PTPA: variants seen among roughly 807,000 people sequenced by gnomAD.
PTPA encodes the protein serine/threonine-protein phosphatase 2A activator.
PTPA carries 13 observed loss-of-function variants against 43.6 expected under a neutral mutation model. That is an observed-to-expected ratio of 0.30 (90% CI 0.19 to 0.47). PTPA has a LOEUF of 0.47. PTPA is among the 20% of genes least tolerant of loss of function. The pLI, the probability that PTPA is intolerant of heterozygous loss-of-function variation, is 0.99. For synonymous variants in PTPA, 172 were observed against 158.2 expected, an observed-to-expected ratio of 1.09 and a Z score of -0.66; for missense variants, 329 against 411.9, an observed-to-expected ratio of 0.80 and a Z score of 1.74.
At chr9:129,144,393 G>C (rs996023305) in intron 9 of PTPA, among the ~76,000 whole-genome samples, 21 of 152,046 alleles carry the variant, frequency 1.4e-4, no homozygotes, top group Admixed American at 1.4e-3. Context: ...CGCTGTGTGG[G>C]GAAGGGGACA....
At position 129,147,616 on chromosome 9, in the gene PTPA, C is replaced by A; in HGVS notation, c.*152C>A. The A allele has an allele frequency of 1.2e-6, 1 of 824,090 alleles. No individual in the cohort carries two copies. The highest frequency in any genetic ancestry group is 1.9e-6 in the Non-Finnish European group (1 of 529,616). The allele number at this position is 824,090 out of a possible 1,614,324, so 51.0% of individuals were successfully genotyped here. ...GGGTGGCGAGATGGGCTTGAGGGGG[C>A]TCAGAGCATAAGGCTTCAGGGCCCA... is the stretch of plus-strand genomic sequence containing the variant. On this transcript the variant is annotated 3_prime_UTR_variant, in exon 10 of 10. Coordinates refer to ENST00000393370, the MANE Select transcript of PTPA (RefSeq NM_178000.3).
intron 3 of PTPA, chr9:129,128,063 T>G (rs1450624281): frequency 1.5e-6 from 2 of 1,330,400 alleles, no homozygotes; most frequent in Non-Finnish European, 2.0e-6. Flanking sequence ...CTGTGCACCT[T>G]CGGAGGTATT....
intron 8 of PTPA, among the ~76,000 whole-genome samples, chr9:129,141,090 T>G (rs971776379): frequency 6.6e-6 from 1 of 151,930 alleles, no homozygotes; most frequent in East Asian, 1.9e-4. Flanking sequence ...ACATGGGTGT[T>G]TGGATGGGCT....
chr9:129,115,521 C>T (rs1588482014), intron 1 of PTPA, among the ~76,000 whole-genome samples: 1 of 152,160 alleles, frequency 6.6e-6, no homozygotes, highest in East Asian at 1.9e-4. Flanking sequence ...GGTCCCTGTC[C>T]CTTTTTCTCC....
In PTPA at chr9:129,137,676, T is replaced by C; in HGVS notation, c.770T>C (p.Ile257Thr). Residue 257 changes from isoleucine (I) to threonine (T), a missense_variant, in exon 8 of 10, where the codon ATC (isoleucine) becomes ACC (threonine). Physicochemically the swap from Ile to Thr is moderately conservative, Grantham distance 89 (BLOSUM62 -1). Transcript: ENST00000393370. ...AAGGACTACATGTTCCTGGAGTGTA[T>C]CCTGTTTATTACCGAGGTGAGGAGG... is the stretch of plus-strand genomic sequence containing the variant. ...NHKDYMFLEC[I>T]LFITEMKTGP... The C allele has an allele frequency of 1.2e-6, 2 of 1,607,530 alleles. No individual in the cohort carries two copies. The highest frequency in any genetic ancestry group is 1.7e-6 in the Non-Finnish European group (2 of 1,175,924).
rs1173717748 is a variant in PTPA at position 129,142,350 on chromosome 9, G to A, written c.787-95G>A. Reference sequence around the variant, plus strand: ...TGTGCGTGTGCGTTTGTGTGTGTGTGTGTGTGCATGCATGGGTGTGACTTT... The same window carrying A: ...TGTGCGTGTGCGTTTGTGTGTGTGTATGTGTGCATGCATGGGTGTGACTTT... On this transcript the variant is annotated intron_variant, in intron 8 of 9. Coordinates refer to ENST00000393370, the MANE Select transcript of PTPA (RefSeq NM_178000.3). The A allele has an allele frequency of 2.4e-5, 27 of 1,113,406 alleles. No homozygotes were observed. The East Asian group carries it at 6.5e-4, about 27-fold the overall frequency. 69.0% of individuals were successfully genotyped at this position (1,113,406 alleles called of 1,614,324 possible).
At chr9:129,145,428 A>G (rs1313416843) in intron 9 of PTPA, among the ~76,000 whole-genome samples, 4 of 152,078 alleles carry the variant, frequency 2.6e-5, no homozygotes, top group Non-Finnish European at 4.4e-5. Flanking sequence ...CGAAGGGCCC[A>G]TGGGCTGGCA....
chr9:129,145,337 A>C (rs1350929739), intron 9 of PTPA, among the ~76,000 whole-genome samples: 2 of 152,136 alleles, frequency 1.3e-5, no homozygotes, highest in African/African-American at 4.8e-5. Flanking sequence ...TCAGGAAAAA[A>C]AAAAAAAAAG....
chr9:129,133,633 T>C (rs1442268596), intron 5 of PTPA, among the ~76,000 whole-genome samples: 2 of 152,224 alleles, frequency 1.3e-5, no homozygotes, highest in African/African-American at 2.4e-5. Flanking sequence ...CTGTTTGATA[T>C]GACTGGGAAA....
rs546189301 is a variant in PTPA at position 129,119,035 on chromosome 9, G to A, written c.32-1478G>A. ...TTTTATTGAGACAGAGTCTCGTTCT[G>A]TTGTCCAGGCTGGAGTGCAGTGGTA... On this transcript the variant is annotated intron_variant, in intron 1 of 9. Transcript: ENST00000393370. 6 of 165,504 alleles carry A rather than the reference G, an allele frequency of 3.6e-5. No individual in the cohort carries two copies. In the South Asian group the frequency reaches 6.9e-4, roughly 19 times the overall value. 10.3% of individuals were successfully genotyped at this position (165,504 alleles called of 1,614,324 possible). A position where few individuals can be genotyped will look rare whatever the true frequency, so the allele number is the denominator to read the frequency against.
intron 2 of PTPA, among the ~76,000 whole-genome samples, chr9:129,121,141 G>C (rs1263896917): frequency 2.0e-5 from 3 of 152,200 alleles, no homozygotes; most frequent in African/African-American, 7.2e-5. Flanking sequence ...TCAGGCTTGT[G>C]GTACAGGCTG....
intron 8 of PTPA, 50 bp from the exon 9 acceptor site, chr9:129,142,395 G>GAGCT (rs756685784): frequency 1.8e-4 from 278 of 1,513,414 alleles, no homozygotes; most frequent in Non-Finnish European, 2.3e-4. Context: ...GAGGAGGGAT[G>GAGCT]AGCTCCCAGC....
chr9:129,128,284 C>G (rs1849713841), intron 3 of PTPA, among the ~76,000 whole-genome samples: 1 of 152,020 alleles, frequency 6.6e-6, no homozygotes, highest in South Asian at 2.1e-4. Flanking sequence ...GCTTGTAATC[C>G]CAGAACTTTG....
intron 8 of PTPA, among the ~76,000 whole-genome samples, chr9:129,138,683 G>A (rs948679105): frequency 2.0e-5 from 3 of 152,180 alleles, no homozygotes; most frequent in East Asian, 1.9e-4. Flanking sequence ...GCTGCTCTCC[G>A]TCCGGGCTGT....
chr9:129,113,542 G>A (rs1449089712), intron 1 of PTPA, among the ~76,000 whole-genome samples: 1 of 151,640 alleles, frequency 6.6e-6, no homozygotes, highest in Non-Finnish European at 1.5e-5. Context: ...GCCGACACAG[G>A]CGGATCACTT....
intron 3 of PTPA, 47 bp downstream of exon 3, chr9:129,123,185 C>T (rs750931072): frequency 1.2e-5 from 18 of 1,507,306 alleles, no homozygotes; most frequent in Admixed American, 1.7e-5. Flanking sequence ...AAAAATAGCT[C>T]CAGAGTCACT....
At chr9:129,143,897 C>G (rs565010590) in intron 9 of PTPA, among the ~76,000 whole-genome samples, 1 of 151,804 alleles carries the variant, frequency 6.6e-6, no homozygotes, top group Non-Finnish European at 1.5e-5. Flanking sequence ...CTGGGGAACT[C>G]TCACTCTGCT....
In PTPA at chr9:129,148,275, C is replaced by T. The variant is rs1426097589; in HGVS notation, c.*811C>T. 2 of 152,536 alleles carry T rather than the reference C, an allele frequency of 1.3e-5. No homozygotes were observed. Among genetic ancestry groups the T allele is most frequent in the East Asian group, 1.9e-4 (1 of 5,210 alleles). 9.4% of individuals were successfully genotyped at this position (152,536 alleles called of 1,614,324 possible). A position where few individuals can be genotyped will look rare whatever the true frequency, so the allele number is the denominator to read the frequency against. ...GAGGCATGTCTTTCCAGAACTTTCC[C>T]TGGCAGGGAGGGGATGGCAGAAACT... On this transcript the variant is annotated 3_prime_UTR_variant, in exon 10 of 10. Transcript: ENST00000393370.
intron 3 of PTPA, 140 bp from the exon 4 acceptor site, chr9:129,128,845 G>C (rs2131581578): frequency 2.0e-6 from 2 of 999,596 alleles, no homozygotes; most frequent in Non-Finnish European, 2.9e-6. Context: ...TCAGAACAGT[G>C]GGGAAGAAAG....
Sources: allele counts gnomAD v4.1 joint callset (sites outside exome capture counted in the v4.1 genomes callset), GRCh38; gene constraint gnomAD v4.1.1; transcripts MANE v1.5; gene names NCBI Gene and HGNC (gene_info 2026-07-23, HGNC 2026-07-21).